Variants in TTC28 observed in about 807,000 individuals in gnomAD.
TTC28 encodes the protein tetratricopeptide repeat domain 28.
TTC28 carries 61 observed loss-of-function variants against 198.0 expected under a neutral mutation model. The observed-to-expected ratio is 0.31, with a 90% CI of 0.25 to 0.38. The LOEUF (loss-of-function observed/expected upper bound fraction) is 0.38, where lower values mean the gene tolerates loss of function less well. Ranked by LOEUF, TTC28 falls within the 10% of genes least tolerant of loss-of-function variation. The pLI, the probability that TTC28 is intolerant of heterozygous loss-of-function variation, is 1.00. For missense variants in TTC28, 2,678 were observed against 3,164.0 expected, an observed-to-expected ratio of 0.85 and a Z score of 3.69; for synonymous variants, 1,171 against 1,297.8, an observed-to-expected ratio of 0.90 and a Z score of 2.10.
intron 2 of TTC28, among the ~76,000 whole-genome samples, chr22:28,385,201 T>C (rs2046559040): frequency 6.6e-6 from 1 of 151,456 alleles, no homozygotes; most frequent in Non-Finnish European, 1.5e-5. Flanking sequence ...TCCAGCTATG[T>C]GACCCTGAAC....
At chr22:28,501,039 A>C (rs773160236) in intron 2 of TTC28, among the ~76,000 whole-genome samples, 59 of 152,162 alleles carry the variant, frequency 3.9e-4, no homozygotes, top group Non-Finnish European at 5.9e-4. Context: ...ATCTTGAACA[A>C]TATTCCTCAG....
At chr22:28,481,345 T>C (rs2048244158) in intron 2 of TTC28, among the ~76,000 whole-genome samples, 1 of 152,212 alleles carries the variant, frequency 6.6e-6, no homozygotes, top group Non-Finnish European at 1.5e-5. Flanking sequence ...ATGCCTATAA[T>C]ACGGAAACCA....
chr22:28,178,044 G>A (rs923289382), intron 5 of TTC28, among the ~76,000 whole-genome samples: 1 of 150,772 alleles, frequency 6.6e-6, no homozygotes, highest in Non-Finnish European at 1.5e-5. Context: ...TTGTAATAAT[G>A]TACCATACTA....
chr22:28,039,136 GA>G (rs1939499366), intron 12 of TTC28, among the ~76,000 whole-genome samples: 1 of 152,156 alleles, frequency 6.6e-6, no homozygotes, highest in African/African-American at 2.4e-5. Flanking sequence ...TCTAGAACTA[GA>G]AATACCATTT....
intron 2 of TTC28, among the ~76,000 whole-genome samples, chr22:28,371,881 C>T (rs1819865329): frequency 1.4e-5 from 2 of 147,560 alleles, no homozygotes; most frequent in African/African-American, 2.5e-5. Context: ...CACCCAGCCC[C>T]AAAAAAAAAA....
At chr22:28,073,365 G>T (rs962717905) in intron 12 of TTC28, among the ~76,000 whole-genome samples, 1 of 152,190 alleles carries the variant, frequency 6.6e-6, no homozygotes, top group Non-Finnish European at 1.5e-5. Flanking sequence ...CCTTGGGATA[G>T]ATCAAATTTC....
intron 5 of TTC28, among the ~76,000 whole-genome samples, chr22:28,281,861 A>C (rs1449269458): frequency 6.6e-6 from 1 of 152,144 alleles, no homozygotes; most frequent in African/African-American, 2.4e-5. Flanking sequence ...CCTGGGAGCT[A>C]CCTAGAGATC....
At chr22:28,678,836 A>C (rs1363907527) in intron 1 of TTC28, among the ~76,000 whole-genome samples, 1 of 152,130 alleles carries the variant, frequency 6.6e-6, no homozygotes, top group African/African-American at 2.4e-5. Flanking sequence ...CTACTCTCTA[A>C]AACAGTGCTT....
intron 2 of TTC28, among the ~76,000 whole-genome samples, chr22:28,493,365 A>T (rs28767633): frequency 0.02 from 3,079 of 152,166 alleles, 79 homozygotes; most frequent in African/African-American, 0.066. Context: ...CAAAAAAAAA[A>T]TTTTTTTAAT....
chr22:28,336,094 G>T (rs1054265398), intron 2 of TTC28, among the ~76,000 whole-genome samples: 1 of 152,234 alleles, frequency 6.6e-6, no homozygotes, highest in African/African-American at 2.4e-5. Flanking sequence ...CTATTGAGAT[G>T]ATCATGTGGT....
chr22:28,678,923 C>A (rs569197070), intron 1 of TTC28, among the ~76,000 whole-genome samples: 32 of 152,264 alleles, frequency 2.1e-4, no homozygotes, highest in African/African-American at 7.7e-4. Context: ...AGCCACAGTC[C>A]GTGGCATTTT....
chr22:28,205,536 G>A (rs569866479), intron 5 of TTC28, among the ~76,000 whole-genome samples: 1 of 152,044 alleles, frequency 6.6e-6, no homozygotes, highest in African/African-American at 2.4e-5. Context: ...AAAGGACTGA[G>A]TGAAATGAGA....
chr22:28,173,980 C>T (rs1195293877), intron 5 of TTC28, among the ~76,000 whole-genome samples: 2 of 152,134 alleles, frequency 1.3e-5, no homozygotes, highest in Non-Finnish European at 2.9e-5. Context: ...AATGTACCTG[C>T]GGCTAGTACC....
In TTC28 at chr22:27,987,690, T is replaced by C. The variant is rs914314661; in HGVS notation, c.5707+2188A>G. 5.9e-5 allele frequency among the ~76,000 whole-genome samples: 9 copies of C among 152,048 alleles called. No individual in the cohort carries two copies. The South Asian group carries it at 6.2e-4, about 11-fold the overall frequency. On this transcript the variant is annotated intron_variant, in intron 21 of 22. Coordinates refer to ENST00000397906, the MANE Select transcript of TTC28 (RefSeq NM_001145418.2). ...CATTCCAGCACCCCAGCCTGGGTAA[T>C]AGAGTAAGACCCTGTCTCCAAAAAA... is the stretch of plus-strand genomic sequence containing the variant.
At position 28,044,657 on chromosome 22, in the gene TTC28, T is replaced by C. The variant is rs540297875; in HGVS notation, c.3933-14291A>G. On this transcript the variant is annotated intron_variant, in intron 12 of 22. Transcript: ENST00000397906. ...TGTGATGTTCCCCTTCCTGTGTCCA[T>C]GTGTTCTCATTGTTCAATTCCCACC... Among the ~76,000 whole-genome samples, 61 of 152,262 alleles carry C rather than the reference T, an allele frequency of 4.0e-4. No individual in the cohort carries two copies. The South Asian group carries it at 0.012, about 31-fold the overall frequency.
chr22:28,565,968 G>A (rs1047145847), intron 2 of TTC28, among the ~76,000 whole-genome samples: 1 of 152,132 alleles, frequency 6.6e-6, no homozygotes, highest in African/African-American at 2.4e-5. Flanking sequence ...ATCAAAAGTA[G>A]GAGAGAGTTT....
intron 22 of TTC28, 28 bp from the exon 23 acceptor site, chr22:27,983,879 G>A (rs1937111303): frequency 1.3e-6 from 2 of 1,530,516 alleles, no homozygotes; most frequent in East Asian, 2.5e-5. Context: ...GGGCCCCAAG[G>A]ACAGTTAGAA....
At chr22:28,049,384 C>T (rs1426941782) in intron 12 of TTC28, among the ~76,000 whole-genome samples, 1 of 152,196 alleles carries the variant, frequency 6.6e-6, no homozygotes, top group African/African-American at 2.4e-5. Flanking sequence ...CTGTAAAATG[C>T]CTTTCTTCCA....
chr22:28,018,383 T>G (rs1938465985), intron 13 of TTC28, among the ~76,000 whole-genome samples: 1 of 151,640 alleles, frequency 6.6e-6, no homozygotes, highest in Non-Finnish European at 1.5e-5. Flanking sequence ...TAGTTGGTAA[T>G]TATGAAACAA....
Sources: allele counts gnomAD v4.1 joint callset (sites outside exome capture counted in the v4.1 genomes callset), GRCh38; gene constraint gnomAD v4.1.1; transcripts MANE v1.5; gene names NCBI Gene and HGNC (gene_info 2026-07-23, HGNC 2026-07-21).